Variants in ZMAT4 observed in about 807,000 individuals in gnomAD.
The protein encoded by ZMAT4 is zinc finger matrin-type 4, also known as zinc finger matrin-type protein 4.
Under a neutral mutation model 28.7 loss-of-function variants are expected in ZMAT4, and 17 were observed. That is an observed-to-expected ratio of 0.59 (90% CI 0.41 to 0.89). The LOEUF is 0.89. ZMAT4 is among the 40% of genes least tolerant of loss of function. ZMAT4 has a pLI of 0.00. For missense variants in ZMAT4, 240 were observed against 283.8 expected (o/e 0.85, Z 1.11); for synonymous variants, 117 against 109.2 (o/e 1.07, Z -0.44).
At chr8:40,625,753 C>T (rs1262742812) in intron 5 of ZMAT4, among the ~76,000 whole-genome samples, 3 of 152,072 alleles carry the variant, frequency 2.0e-5, no homozygotes, top group Admixed American at 6.6e-5. Context: ...GTGGGTACCT[C>T]AGTCAAGCAT....
chr8:40,532,159 T>A lies in ZMAT4; in HGVS notation c.*64A>T, dbSNP rs1289114080. ...GAAAGAAGCCTCCTCTGGTGGTTGA[T>A]AAGCAATTCTCCACGGCAGAGAAAT... is the stretch of plus-strand genomic sequence containing the variant. On this transcript the variant is annotated 3_prime_UTR_variant, in exon 7 of 7. Transcript: ENST00000297737. 2 of 1,486,576 alleles carry A rather than the reference T, an allele frequency of 1.3e-6. No individual in the cohort carries two copies. Among genetic ancestry groups the A allele is most frequent in the South Asian group, 2.8e-5 (2 of 71,324 alleles). 92.1% of individuals were successfully genotyped at this position (1,486,576 alleles called of 1,614,324 possible). A position where few individuals can be genotyped will look rare whatever the true frequency, so the allele number is the denominator to read the frequency against.
intron 4 of ZMAT4, among the ~76,000 whole-genome samples, chr8:40,687,754 A>G (rs1809478787): frequency 6.6e-6 from 1 of 152,226 alleles, no homozygotes; most frequent in African/African-American, 2.4e-5. Flanking sequence ...CATTCTTGAT[A>G]TATTAGTTTT....
At chr8:40,691,144 C>A (rs979456422) in intron 4 of ZMAT4, among the ~76,000 whole-genome samples, 1 of 152,110 alleles carries the variant, frequency 6.6e-6, no homozygotes, top group African/African-American at 2.4e-5. Context: ...AATCAATATA[C>A]AACCTTGATG....
intron 5 of ZMAT4, among the ~76,000 whole-genome samples, chr8:40,658,892 C>T (rs919520132): frequency 6.6e-6 from 1 of 152,234 alleles, no homozygotes; most frequent in Non-Finnish European, 1.5e-5. Context: ...TCACCTCCCT[C>T]CAGTTTCTGC....
At chr8:40,651,887 A>G (rs1258635275) in intron 5 of ZMAT4, among the ~76,000 whole-genome samples, 3 of 124,572 alleles carry the variant, frequency 2.4e-5, no homozygotes, top group Non-Finnish European at 3.4e-5. Flanking sequence ...ATATGTAGAA[A>G]GCTGAAACTG....
chr8:40,745,325 AC>A (rs71546306), intron 3 of ZMAT4, among the ~76,000 whole-genome samples: 14,884 of 152,238 alleles, frequency 0.098, 919 homozygotes, highest in East Asian at 0.18. Flanking sequence ...CCCAAAGTCT[AC>A]AATTGTGTGA....
At chr8:40,713,229 G>C (rs1810701392) in intron 3 of ZMAT4, among the ~76,000 whole-genome samples, 1 of 152,128 alleles carries the variant, frequency 6.6e-6, no homozygotes, top group African/African-American at 2.4e-5. Context: ...AAATGGAATT[G>C]AAGGACTGAA....
chr8:40,828,190 A>C (rs1816147171), intron 1 of ZMAT4, among the ~76,000 whole-genome samples: 1 of 152,260 alleles, frequency 6.6e-6, no homozygotes, highest in Non-Finnish European at 1.5e-5. Flanking sequence ...GTAAATGAAG[A>C]AAAGATGTTT....
At chr8:40,699,904 C>A (rs1029312930) in intron 3 of ZMAT4, among the ~76,000 whole-genome samples, 5 of 152,238 alleles carry the variant, frequency 3.3e-5, no homozygotes, top group Non-Finnish European at 5.9e-5. Flanking sequence ...CCATGCCTGG[C>A]CTTTCTCCCT....
At chr8:40,548,274 G>A (rs982300617) in intron 6 of ZMAT4, among the ~76,000 whole-genome samples, 2 of 151,940 alleles carry the variant, frequency 1.3e-5, no homozygotes, top group Non-Finnish European at 2.9e-5. Context: ...TAAAGATTTA[G>A]TGCATTAAAA....
At chr8:40,551,869 C>T (rs1302900636) in intron 6 of ZMAT4, among the ~76,000 whole-genome samples, 3 of 152,060 alleles carry the variant, frequency 2.0e-5, no homozygotes, top group African/African-American at 7.2e-5. Flanking sequence ...CAGTTTTTCT[C>T]CTTGCAGTGA....
At chr8:40,881,549 A>AGAGAAG (rs1818257319) in intron 1 of ZMAT4, among the ~76,000 whole-genome samples, 1 of 81,816 alleles carries the variant, frequency 1.2e-5, no homozygotes. Flanking sequence ...AAAGAAAGAA[A>AGAGAAG]GAAAGAAAGA....
intron 6 of ZMAT4, among the ~76,000 whole-genome samples, chr8:40,570,012 G>A (rs558768233): frequency 6.6e-6 from 1 of 152,278 alleles, no homozygotes; most frequent in East Asian, 1.9e-4. Context: ...AATGAAGACA[G>A]TAAAACTCAG....
chr8:40,601,704 GA>G lies in ZMAT4; in HGVS notation c.578-20444del, dbSNP rs5891107. On this transcript the variant is annotated intron_variant, in intron 5 of 6. Coordinates refer to ENST00000297737, the MANE Select transcript of ZMAT4 (RefSeq NM_024645.3). The stretch of plus-strand genomic sequence containing the variant: ...AGAAAGAAAGAAAGAAAGAAAGAAA[GA>G]AAAGAAAGAAAGAAAGAAAGAAAGA... Among the ~76,000 whole-genome samples, 100 of 29,342 alleles carry G rather than the reference GA, an allele frequency of 3.4e-3. 16 individuals carry two copies. Among genetic ancestry groups the G allele is most frequent in the Admixed American group, 8.0e-3 (28 of 3,492 alleles). 19.2% of individuals were successfully genotyped at this position (29,342 alleles called of 152,430 possible).
intron 5 of ZMAT4, among the ~76,000 whole-genome samples, chr8:40,599,737 GA>G (rs1805232419): frequency 1.3e-5 from 2 of 152,242 alleles, no homozygotes; most frequent in Non-Finnish European, 2.9e-5. Flanking sequence ...GTGGGCTGAA[GA>G]CATCTGGATG....
At chr8:40,876,838 T>C (rs1818057512) in intron 1 of ZMAT4, among the ~76,000 whole-genome samples, 1 of 152,208 alleles carries the variant, frequency 6.6e-6, no homozygotes, top group Non-Finnish European at 1.5e-5. Flanking sequence ...AACCCCTTCA[T>C]TGTTCACAGA....
intron 1 of ZMAT4, among the ~76,000 whole-genome samples, chr8:40,844,273 C>T (rs1333223568): frequency 1.3e-5 from 2 of 152,152 alleles, no homozygotes; most frequent in Non-Finnish European, 2.9e-5. Context: ...TCAATGATGG[C>T]GTTCCCAGAA....
At chr8:40,874,881 G>C (rs1817985500) in intron 1 of ZMAT4, among the ~76,000 whole-genome samples, 1 of 152,178 alleles carries the variant, frequency 6.6e-6, no homozygotes, top group African/African-American at 2.4e-5. Context: ...GTGATGGCTG[G>C]ATTCAGAATT....
chr8:40,757,469 C>A lies in ZMAT4; in HGVS notation c.192+10172G>T, dbSNP rs187720518. ...GGCATGATGGCACGTGCCTGTAGTC[C>A]CAACTACTTGGGAGGCTGAGGCAGG... On this transcript the variant is annotated intron_variant, in intron 3 of 6. Coordinates refer to ENST00000297737, the MANE Select transcript of ZMAT4 (RefSeq NM_024645.3). 7.2e-5 allele frequency among the ~76,000 whole-genome samples: 11 copies of A among 151,816 alleles called. No homozygotes were observed. The East Asian group carries it at 2.1e-3, about 30-fold the overall frequency.
Sources: gnomAD v4.1 joint callset for allele counts (sites outside exome capture counted in the v4.1 genomes callset) on GRCh38, gnomAD v4.1.1 for gene constraint, MANE v1.5 for transcripts, NCBI Gene and HGNC (gene_info 2026-07-23, HGNC 2026-07-21) for gene names.